ARHGAP24: variants seen among roughly 807,000 people sequenced by gnomAD.
The protein encoded by ARHGAP24 is Rho GTPase activating protein 24, also known as rho GTPase-activating protein 24.
In ARHGAP24, 50 loss-of-function variants were observed where a neutral mutation model predicts 76.4. The observed-to-expected ratio is 0.65, with a 90% CI of 0.52 to 0.83. The LOEUF (loss-of-function observed/expected upper bound fraction) is 0.83. Among genes scored for constraint, ARHGAP24 ranks in the 40% least tolerant of loss-of-function variants. The probability of loss-of-function intolerance (pLI) is 0.00; values close to 1 mark genes in which losing one functional copy is unlikely to be tolerated. For missense variants in ARHGAP24, 930 were observed against 914.2 expected (o/e 1.02, Z -0.22); for synonymous variants, 345 against 323.3 (o/e 1.07, Z -0.72).
At position 85,526,838 on chromosome 4, in the gene ARHGAP24, C is replaced by T. The variant is rs144107466; in HGVS notation, c.-20-43684C>T. Among the ~76,000 whole-genome samples, 1,452 of 152,146 alleles carry T rather than the reference C, an allele frequency of 9.5e-3. 12 individuals carry two copies. The highest frequency in any genetic ancestry group is 0.018 in the East Asian group (95 of 5,180). The stretch of plus-strand genomic sequence containing the variant: ...TTCTAACATCTCTGAAAAGAAATAG[C>T]GTTCAGCTTTTTAATAATAGATGCA... On this transcript the variant is annotated intron_variant, in intron 1 of 9. Transcript: ENST00000395184.
chr4:85,622,357 T>C (rs996423840), intron 2 of ARHGAP24, among the ~76,000 whole-genome samples: 1 of 151,056 alleles, frequency 6.6e-6, no homozygotes, highest in South Asian at 2.1e-4. Flanking sequence ...TTTGGTTTTT[T>C]GTCCTTGCGA....
At chr4:85,689,246 T>C (rs1169636832) in intron 2 of ARHGAP24, among the ~76,000 whole-genome samples, 1 of 152,208 alleles carries the variant, frequency 6.6e-6, no homozygotes, top group East Asian at 1.9e-4. Flanking sequence ...GTAGTACTCC[T>C]TGTAGAGATC....
chr4:85,689,371 G>A (rs1032724433), intron 2 of ARHGAP24, among the ~76,000 whole-genome samples: 6 of 152,024 alleles, frequency 3.9e-5, no homozygotes, highest in Non-Finnish European at 5.9e-5. Context: ...GGATAGAAAT[G>A]CTAGTGATTT....
chr4:85,743,674 T>A (rs1301908511), intron 3 of ARHGAP24, among the ~76,000 whole-genome samples: 16 of 152,156 alleles, frequency 1.1e-4, no homozygotes, highest in Non-Finnish European at 2.1e-4. Context: ...AAATCTTTAT[T>A]TTCTTTCTTT....
intron 2 of ARHGAP24, among the ~76,000 whole-genome samples, chr4:85,599,206 G>A (rs1175763374): frequency 2.0e-5 from 3 of 152,080 alleles, no homozygotes; most frequent in Non-Finnish European, 4.4e-5. Flanking sequence ...GTGGAGAGAT[G>A]TTTAGAAGAA....
intron 1 of ARHGAP24, among the ~76,000 whole-genome samples, chr4:85,512,637 G>C (rs73834128): frequency 2.2e-3 from 332 of 152,342 alleles, no homozygotes; most frequent in African/African-American, 7.8e-3. Flanking sequence ...TCAGAGCTGT[G>C]AGTCATGGAT....
chr4:85,987,431 A>G (rs1740067885), intron 8 of ARHGAP24, among the ~76,000 whole-genome samples: 1 of 152,082 alleles, frequency 6.6e-6, no homozygotes, highest in Non-Finnish European at 1.5e-5. Flanking sequence ...ACAACTAAAA[A>G]CTACAAGGCA....
At chr4:85,849,912 T>C (rs1560670382) in intron 3 of ARHGAP24, among the ~76,000 whole-genome samples, 1 of 152,182 alleles carries the variant, frequency 6.6e-6, no homozygotes, top group African/African-American at 2.4e-5. Flanking sequence ...AAATACTCTT[T>C]TTTTCTTGTT....
chr4:85,613,427 A>G, intron 2 of ARHGAP24, among the ~76,000 whole-genome samples: 1 of 152,356 alleles, frequency 6.6e-6, no homozygotes, highest in East Asian at 1.9e-4. Context: ...TATAATACGT[A>G]TATATACATA....
At chr4:85,511,283 T>G (rs1724272017) in intron 1 of ARHGAP24, among the ~76,000 whole-genome samples, 1 of 152,104 alleles carries the variant, frequency 6.6e-6, no homozygotes, top group South Asian at 2.1e-4. Context: ...CTCTTCTATG[T>G]GTAATTAAAT....
chr4:85,687,803 T>C (rs1367834620), intron 2 of ARHGAP24, among the ~76,000 whole-genome samples: 3 of 151,810 alleles, frequency 2.0e-5, no homozygotes, highest in African/African-American at 7.3e-5. Flanking sequence ...CTGGGTCAAA[T>C]GGTAGTTCTA....
intron 2 of ARHGAP24, among the ~76,000 whole-genome samples, chr4:85,638,957 C>T (rs922222616): frequency 6.6e-6 from 1 of 152,164 alleles, no homozygotes; most frequent in African/African-American, 2.4e-5. Flanking sequence ...CTTATTACCA[C>T]TGTTTACAGA....
At chr4:85,686,415 C>G (rs965821081) in intron 2 of ARHGAP24, among the ~76,000 whole-genome samples, 3 of 152,180 alleles carry the variant, frequency 2.0e-5, no homozygotes, top group Non-Finnish European at 2.9e-5. Context: ...AAAACCGTCT[C>G]AAGAACTTTA....
chr4:85,583,759 AC>A lies in ARHGAP24; in HGVS notation c.180+13042del, dbSNP rs61548964. Among the ~76,000 whole-genome samples the A allele has an allele frequency of 9.9e-3, 1,492 of 150,028 alleles. 30 individuals carry two copies. Among genetic ancestry groups the A allele is most frequent in the African/African-American group, 0.034 (1,398 of 40,630 alleles). ...ACAAATTTACAAGAAAAAAAAAAAA[AC>A]CCCATCAAAAAGTGGGCAAAGGACA... On this transcript the variant is annotated intron_variant, in intron 2 of 9. Coordinates refer to ENST00000395184, the MANE Select transcript of ARHGAP24 (RefSeq NM_001025616.3).
intron 2 of ARHGAP24, among the ~76,000 whole-genome samples, chr4:85,692,636 G>A (rs755913648): frequency 3.3e-5 from 5 of 152,140 alleles, no homozygotes; most frequent in Non-Finnish European, 7.4e-5. Context: ...ATTGTATTAT[G>A]AAATTCTTGT....
At position 85,994,938 on chromosome 4, in the gene ARHGAP24, G is replaced by A. The variant is rs1486900863; in HGVS notation, c.1284G>A (p.Lys428=). The A allele has an allele frequency of 6.2e-7, 1 of 1,614,106 alleles. No individual in the cohort carries two copies. Among genetic ancestry groups the A allele is most frequent in the Admixed American group, 1.7e-5 (1 of 60,010 alleles). Residue 428 remains lysine, a synonymous_variant, in exon 9 of 10, where the codon AAG becomes AAA. Coordinates refer to ENST00000395184, the MANE Select transcript of ARHGAP24 (RefSeq NM_001025616.3). ...LMVKKNPAFN[K]GSGIVTNGSF... ...TCAAAAAGAACCCAGCCTTTAATAA[G>A]GGTAGTGGGATAGTTACCAATGGGT...
intron 2 of ARHGAP24, among the ~76,000 whole-genome samples, chr4:85,610,451 C>CAAAAAAAAAAAA (rs57348830): frequency 1.6e-4 from 8 of 51,240 alleles, no homozygotes; most frequent in East Asian, 8.3e-4. Context: ...ACTCCATCTA[C>CAAAAAAAAAAAA]AAAAAAAAAA....
At chr4:85,550,068 A>G (rs1726068192) in intron 1 of ARHGAP24, among the ~76,000 whole-genome samples, 1 of 152,204 alleles carries the variant, frequency 6.6e-6, no homozygotes, top group African/African-American at 2.4e-5. Context: ...GAACATAAAT[A>G]TGCATGTGTC....
intron 2 of ARHGAP24, among the ~76,000 whole-genome samples, chr4:85,629,870 A>C (rs1432495035): frequency 6.6e-6 from 1 of 152,068 alleles, no homozygotes; most frequent in Non-Finnish European, 1.5e-5. Flanking sequence ...ATGGATCTGA[A>C]TGTTAATTTA....
Sources: allele counts gnomAD v4.1 joint callset (sites outside exome capture counted in the v4.1 genomes callset), GRCh38; gene constraint gnomAD v4.1.1; transcripts MANE v1.5; gene names NCBI Gene and HGNC (gene_info 2026-07-23, HGNC 2026-07-21).